The following FSTL3 variants were observed in gnomAD, a reference collection of about 807,000 sequenced individuals.
The protein encoded by FSTL3 is follistatin like 3.
A neutral mutation model predicts 28.1 loss-of-function variants in FSTL3; 21 were observed. The ratio of observed to expected loss-of-function variants is 0.75; its 90% CI spans 0.53 to 1.08. The LOEUF (loss-of-function observed/expected upper bound fraction) is 1.08. Among genes scored for constraint, FSTL3 ranks in the 50% least tolerant of loss-of-function variants. The pLI, the probability that FSTL3 is intolerant of heterozygous loss-of-function variation, is 0.00. For missense variants in FSTL3, 400 were observed against 380.9 expected (o/e 1.05, Z -0.42); for synonymous variants, 199 against 164.2 (o/e 1.21, Z -1.62).
chr19:680,692 T>G (rs1379375744), intron 3 of FSTL3: 4 of 180,322 alleles, frequency 2.2e-5, no homozygotes, highest in East Asian at 1.1e-4. Flanking sequence ...CGGGGCCTGC[T>G]GGAGGGGCGG....
intron 2 of FSTL3, among the ~76,000 whole-genome samples, chr19:678,534 G>A (rs111972991): frequency 0.012 from 1,453 of 119,596 alleles, 52 homozygotes; most frequent in African/African-American, 0.038. Flanking sequence ...TTCCTGAGAT[G>A]GAGCCTCGCT....
intron 3 of FSTL3, among the ~76,000 whole-genome samples, chr19:681,095 A>G (rs1400516821): frequency 1.4e-5 from 2 of 147,232 alleles, no homozygotes; most frequent in African/African-American, 5.0e-5. Flanking sequence ...TGGGTAGCAT[A>G]AGGGGCAGGA....
intron 2 of FSTL3, 150 bp from the exon 3 acceptor site, chr19:680,124 G>A (rs886984711): frequency 2.7e-6 from 1 of 371,228 alleles, no homozygotes; most frequent in East Asian, 4.6e-5. Flanking sequence ...GGGAACCCGA[G>A]GGCCCCGACT....
chr19:681,016 T>G (rs2031321564), intron 3 of FSTL3: 9 of 322,012 alleles, frequency 2.8e-5, no homozygotes, highest in Admixed American at 1.0e-4. Flanking sequence ...GGTTCCTGGG[T>G]GGAGATGGGC....
Position 683,057 on chromosome 19 carries a change from G to C in FSTL3, c.*1349G>C, listed in dbSNP as rs2031374218. ...AGCCGGGGCTGGCGACACCAGCCAG[G>C]TGCTGGTCTTGGGCCAGTTCTCCCA... On this transcript the variant is annotated 3_prime_UTR_variant, in exon 5 of 5. Coordinates refer to ENST00000166139, the MANE Select transcript of FSTL3 (RefSeq NM_005860.3). The C allele has an allele frequency of 8.6e-6, 2 of 233,272 alleles. No individual in the cohort carries two copies. The highest frequency in any genetic ancestry group is 1.3e-3 in the Middle Eastern group (1 of 786). 14.5% of individuals were successfully genotyped at this position (233,272 alleles called of 1,614,324 possible).
chr19:681,447 G>T lies in FSTL3; in HGVS notation c.620G>T (p.Gly207Val). ...CCCTGCCCTGTGCCCTCCAGCCCCG[G>T]CCAGGAGCTTTGCGGCAACAACAAC... ...AAPCPVPSSPGQELCGNNNVT... is the reference protein window; with the variant it reads ...AAPCPVPSSPVQELCGNNNVT... Residue 207 changes from glycine to valine, a missense_variant, in exon 4 of 5, where the codon GGC (glycine) becomes GTC (valine). Physicochemically the swap from Gly to Val is moderately radical, Grantham distance 109. Transcript: ENST00000166139. 1.3e-6 allele frequency: 2 copies of T among 1,599,490 alleles called. No homozygotes were observed. Among genetic ancestry groups the T allele is most frequent in the Non-Finnish European group, 1.7e-6 (2 of 1,179,436 alleles).
Position 681,345 on chromosome 19 carries a change from A to T in FSTL3, c.518A>T (p.His173Leu), listed in dbSNP as rs774780839. Residue 173 changes from histidine (H) to leucine (L), a missense_variant, in exon 4 of 5, where the codon CAC becomes CTC. Coordinates refer to ENST00000166139, the MANE Select transcript of FSTL3 (RefSeq NM_005860.3). ...ACCCGGCCTGCAGAGTCCTGTGAGC[A>T]CGTGGTGTGCCCGCGGCCACAGTCG... ...YRGRCRKSCE[H>L]VVCPRPQSCV... The T allele has an allele frequency of 9.5e-6, 15 of 1,573,946 alleles. No homozygotes were observed. Among genetic ancestry groups the T allele is most frequent in the South Asian group, 2.3e-5 (2 of 88,054 alleles).
rs773481099 is a variant in FSTL3 at position 681,442 on chromosome 19, C to T, written c.615C>T (p.Ser205=). The part of the protein sequence containing the change: ...CRAAPCPVPS[S]PGQELCGNNN... ...CGGCGCCCTGCCCTGTGCCCTCCAG[C>T]CCCGGCCAGGAGCTTTGCGGCAACA... Residue 205 remains serine (S), a synonymous_variant, in exon 4 of 5, where the codon AGC becomes AGT. Coordinates refer to ENST00000166139, the MANE Select transcript of FSTL3 (RefSeq NM_005860.3). The T allele has an allele frequency of 6.3e-6, 10 of 1,598,956 alleles. No individual in the cohort carries two copies. Among genetic ancestry groups the T allele is most frequent in the African/African-American group, 1.3e-5 (1 of 74,854 alleles).
intron 3 of FSTL3, 60 bp downstream of exon 3, chr19:680,549 G>T: frequency 1.1e-6 from 1 of 933,874 alleles, no homozygotes; most frequent in East Asian, 3.7e-5. Flanking sequence ...TGCGCGTCAT[G>T]TATCGAGGCT....
Position 681,708 on chromosome 19 carries a change from A to G in FSTL3, c.792A>G (p.Ter264TrpextTer34). 1 of 1,555,668 alleles carries G rather than the reference A, an allele frequency of 6.4e-7. No homozygotes were observed. Among genetic ancestry groups the G allele is most frequent in the Non-Finnish European group, 8.7e-7 (1 of 1,150,522 alleles). The change falls in exon 5 of 5, where the codon TGA becomes TGG. Residue 264 changes from the stop codon to tryptophan (W), a stop_lost. Coordinates refer to ENST00000166139, the MANE Select transcript of FSTL3 (RefSeq NM_005860.3). ...ESAEEEENFV* is the reference protein window; with the variant it reads ...ESAEEEENFVW ...CAGAAGAGGAAGAGAACTTCGTGTG[A>G]GCCTGCAGGACAGGCCTGGGCCTGG...
rs995622365 is a variant in FSTL3 at position 676,598 on chromosome 19, G to A, written c.103+72G>A. 7.1e-5 allele frequency: 34 copies of A among 478,026 alleles called. No individual in the cohort carries two copies. The Admixed American group carries it at 1.6e-3, about 22-fold the overall frequency. The allele number at this position is 478,026 out of a possible 1,614,324, so 29.6% of individuals were successfully genotyped here. On this transcript the variant is annotated intron_variant, in intron 1 of 4. Coordinates refer to ENST00000166139, the MANE Select transcript of FSTL3 (RefSeq NM_005860.3). ...GGGCTGCGCGGAATGCGGCCGGGGG[G>A]ACGTCGGGGGGCGCGGCGGCGGCGG...
intron 2 of FSTL3, among the ~76,000 whole-genome samples, chr19:679,824 A>T (rs1013152104): frequency 6.6e-6 from 1 of 151,972 alleles, no homozygotes; most frequent in African/African-American, 2.4e-5. Flanking sequence ...CTCCTGGGGG[A>T]AGGTCCTGGC....
Position 676,453 on chromosome 19 carries a change from G to C in FSTL3, c.30G>C (p.Trp10Cys). The change falls in exon 1 of 5, where the codon TGG (tryptophan) becomes TGC (cysteine). Residue 10 changes from tryptophan to cysteine, a missense_variant. Trp to Cys is a radical substitution (Grantham distance 215). Transcript: ENST00000166139. MRPGAPGPL[W>C]PLPWGALAWA... The stretch of plus-strand genomic sequence containing the variant: ...GTCCCGGGGCGCCAGGGCCACTCTG[G>C]CCTCTGCCCTGGGGGGCCCTGGCTT... The C allele has an allele frequency of 8.3e-7, 1 of 1,209,662 alleles. No individual in the cohort carries two copies. The highest frequency in any genetic ancestry group is 1.0e-6 in the Non-Finnish European group (1 of 971,138). The allele number at this position is 1,209,662 out of a possible 1,614,324, so 74.9% of individuals were successfully genotyped here. A position where few individuals can be genotyped will look rare whatever the true frequency, so the allele number is the denominator to read the frequency against.
intron 2 of FSTL3, 114 bp from the exon 3 acceptor site, chr19:680,160 G>GC: frequency 1.9e-6 from 1 of 539,482 alleles, no homozygotes; most frequent in South Asian, 5.8e-5. Flanking sequence ...CTGGGACGGC[G>GC]CCCCCGCCTC....
intron 2 of FSTL3, among the ~76,000 whole-genome samples, chr19:679,324 G>A (rs1025854976): frequency 1.3e-5 from 2 of 152,218 alleles, no homozygotes; most frequent in Non-Finnish European, 2.9e-5. Flanking sequence ...TGCCCTGCAA[G>A]GGCTGCGTGG....
chr19:680,904 G>A (rs2031318976), intron 3 of FSTL3: 1 of 251,442 alleles, frequency 4.0e-6, no homozygotes, highest in Non-Finnish European at 7.7e-6. Context: ...CAGAGCGGGA[G>A]CGTGACTCAG....
chr19:676,986 G>C (rs763626174), intron 1 of FSTL3, among the ~76,000 whole-genome samples: 2 of 152,110 alleles, frequency 1.3e-5, no homozygotes, highest in Non-Finnish European at 1.5e-5. Flanking sequence ...ACGGGGCATG[G>C]AGTCTCACAC....
intron 3 of FSTL3, among the ~76,000 whole-genome samples, chr19:681,123 G>T (rs939068070): frequency 4.1e-5 from 6 of 147,090 alleles, no homozygotes; most frequent in Admixed American, 6.8e-5. Flanking sequence ...AAAGAGGTGT[G>T]GCTCCTGGGT....
Position 681,669 on chromosome 19 carries a change from A to C in FSTL3, c.753A>C (p.Pro251=), listed in dbSNP as rs1011876820. The C allele has an allele frequency of 4.5e-6, 7 of 1,572,782 alleles. No homozygotes were observed. Among genetic ancestry groups the C allele is most frequent in the African/African-American group, 4.1e-5 (3 of 73,952 alleles). ...GSCAGTPEEP[P]GGESAEEEEN... is the part of the protein sequence containing the mutation. ...TTGCAGGCACCCCTGAGGAGCCGCC[A>C]GGTGGTGAGTCTGCAGAAGAGGAAG... Residue 251 remains proline, a synonymous_variant, in exon 5 of 5, where the codon CCA becomes CCC. Coordinates refer to ENST00000166139, the MANE Select transcript of FSTL3 (RefSeq NM_005860.3).
Sources: gnomAD v4.1 joint callset for allele counts (sites outside exome capture counted in the v4.1 genomes callset) on GRCh38, gnomAD v4.1.1 for gene constraint, MANE v1.5 for transcripts, NCBI Gene and HGNC (gene_info 2026-07-23, HGNC 2026-07-21) for gene names.